The following PITPNC1 variants were observed in gnomAD, a reference collection of about 807,000 sequenced individuals.
PITPNC1 encodes cytoplasmic phosphatidylinositol transfer protein 1.
PITPNC1 carries 18 observed loss-of-function variants against 44.7 expected under a neutral mutation model. The ratio of observed to expected loss-of-function variants is 0.40; its 90% CI spans 0.28 to 0.60. PITPNC1 has a LOEUF of 0.60. PITPNC1 is among the 20% of genes least tolerant of loss of function. The probability of loss-of-function intolerance (pLI) is 0.39; values close to 1 mark genes in which losing one functional copy is unlikely to be tolerated. For synonymous variants in PITPNC1, 141 were observed against 149.6 expected, an observed-to-expected ratio of 0.94 and a Z score of 0.42; for missense variants, 290 against 418.4, an observed-to-expected ratio of 0.69 and a Z score of 2.68.
At chr17:67,574,282 C>T (rs777190505) in intron 4 of PITPNC1, among the ~76,000 whole-genome samples, 4 of 152,148 alleles carry the variant, frequency 2.6e-5, no homozygotes, top group Non-Finnish European at 5.9e-5. Context: ...TGTCTCAGTG[C>T]TTTTCATTAT....
chr17:67,535,534 C>T (rs1250700909), intron 2 of PITPNC1, among the ~76,000 whole-genome samples: 1 of 152,130 alleles, frequency 6.6e-6, no homozygotes, highest in Non-Finnish European at 1.5e-5. Context: ...CCAGCTCTCC[C>T]TGTCATGTCT....
At chr17:67,574,473 A>G (rs949993581) in intron 4 of PITPNC1, among the ~76,000 whole-genome samples, 2 of 152,176 alleles carry the variant, frequency 1.3e-5, no homozygotes. Context: ...GAGGGGAGAA[A>G]GGGTGAAGCC....
intron 1 of PITPNC1, among the ~76,000 whole-genome samples, chr17:67,435,213 T>C (rs2143906281): frequency 6.6e-6 from 1 of 152,162 alleles, no homozygotes; most frequent in African/African-American, 2.4e-5. Flanking sequence ...CTCAGTTACT[T>C]CATCTGTAAA....
intron 5 of PITPNC1, among the ~76,000 whole-genome samples, chr17:67,619,662 A>G (rs1348656968): frequency 2.6e-5 from 4 of 151,978 alleles, no homozygotes; most frequent in African/African-American, 9.7e-5. Context: ...CCCCACCTTC[A>G]TCTCTGATCA....
rs573676834 is a variant in PITPNC1 at position 67,625,508 on chromosome 17, C to G, written c.367-6635C>G. ...ATCATTGCTGTGGCTGAGTGTTTTC[C>G]TTTGGGGCCCGGTGAAGCCACTGCT... On this transcript the variant is annotated intron_variant, in intron 5 of 8. Transcript: ENST00000581322. 5.3e-5 allele frequency among the ~76,000 whole-genome samples: 8 copies of G among 152,270 alleles called. No individual in the cohort carries two copies. In the South Asian group the frequency reaches 1.7e-3, roughly 32 times the overall value.
At chr17:67,612,085 A>C (rs1299276584) in intron 5 of PITPNC1, 2 of 152,218 alleles carry the variant, frequency 1.3e-5, no homozygotes, top group Non-Finnish European at 2.9e-5. Flanking sequence ...ATCTTTACTA[A>C]AATGTGATCA....
At chr17:67,495,197 C>T (rs1044530808) in intron 1 of PITPNC1, among the ~76,000 whole-genome samples, 7 of 151,444 alleles carry the variant, frequency 4.6e-5, no homozygotes, top group African/African-American at 1.5e-4. Flanking sequence ...GCTGGGGCTA[C>T]AGGCGCTCGC....
intron 6 of PITPNC1, among the ~76,000 whole-genome samples, chr17:67,658,872 G>A (rs754711989): frequency 6.8e-4 from 104 of 152,030 alleles, no homozygotes; most frequent in Non-Finnish European, 1.2e-3. Context: ...ACTGCAGGGG[G>A]GAAGCCATGT....
Position 67,425,193 on chromosome 17 carries a change from G to GCGCGCGCGCGCACA in PITPNC1, c.48+46992_48+46993insGCGCGCGCGCACAC, listed in dbSNP as rs1160522771. On this transcript the variant is annotated intron_variant, in intron 1 of 8. Coordinates refer to ENST00000581322, the MANE Select transcript of PITPNC1 (RefSeq NM_012417.4). ...AAATAAACAGCCATGTTGTGCGCGC[G>GCGCGCGCGCGCACA]CACGCACACGCACACACACACACAC... Among the ~76,000 whole-genome samples the GCGCGCGCGCGCACA allele has an allele frequency of 9.8e-4, 51 of 52,114 alleles. 3 individuals are homozygous for GCGCGCGCGCGCACA. The highest frequency in any genetic ancestry group is 3.9e-3 in the East Asian group (7 of 1,806). The allele number at this position is 52,114 out of a possible 152,430, so 34.2% of individuals were successfully genotyped here. A position where few individuals can be genotyped will look rare whatever the true frequency, so the allele number is the denominator to read the frequency against.
rs1445303049 is a variant in PITPNC1 at position 67,614,627 on chromosome 17, G to GC, written c.367-17512dup. The stretch of plus-strand genomic sequence containing the variant: ...GCAGAGGCTGGAGTGAGCTGAGATT[G>GC]CCCCACTGCACTCCAGCCTGGGCAA... On this transcript the variant is annotated intron_variant, in intron 5 of 8. Coordinates refer to ENST00000581322, the MANE Select transcript of PITPNC1 (RefSeq NM_012417.4). Among the ~76,000 whole-genome samples, 4 of 149,610 alleles carry GC rather than the reference G, an allele frequency of 2.7e-5. No individual in the cohort carries two copies. In the East Asian group the frequency reaches 7.9e-4, roughly 29 times the overall value.
intron 5 of PITPNC1, among the ~76,000 whole-genome samples, chr17:67,631,012 C>T (rs2041958586): frequency 6.6e-6 from 1 of 150,478 alleles, no homozygotes; most frequent in Non-Finnish European, 1.5e-5. Context: ...GAGCCCAGGC[C>T]GACATTTATA....
In PITPNC1 at chr17:67,696,191, CACTT is replaced by C. The variant is rs1567788552; in HGVS notation, c.*3306_*3309del. ...CACAGTTGTGGGTATATTATGCAGA[CACTT>C]ACCACAATACCTGCAAAAGTAACTG... On this transcript the variant is annotated 3_prime_UTR_variant, in exon 9 of 9. Transcript: ENST00000581322. The C allele has an allele frequency of 6.6e-6, 1 of 152,164 alleles. No individual in the cohort carries two copies. Among genetic ancestry groups the C allele is most frequent in the African/African-American group, 2.4e-5 (1 of 41,444 alleles). The allele number at this position is 152,164 out of a possible 1,614,324, so 9.4% of individuals were successfully genotyped here. A position where few individuals can be genotyped will look rare whatever the true frequency, so the allele number is the denominator to read the frequency against.
At chr17:67,433,910 C>CATAATA (rs368751732) in intron 1 of PITPNC1, among the ~76,000 whole-genome samples, 42 of 151,188 alleles carry the variant, frequency 2.8e-4, no homozygotes, top group Middle Eastern at 3.4e-3. Flanking sequence ...TCCTCCTCCC[C>CATAATA]ATAATAATAA....
At chr17:67,566,235 G>T (rs912110036) in intron 4 of PITPNC1, among the ~76,000 whole-genome samples, 1 of 152,042 alleles carries the variant, frequency 6.6e-6, no homozygotes, top group Non-Finnish European at 1.5e-5. Context: ...ACAGGGGCTT[G>T]CTCTGTCACC....
At chr17:67,531,103 C>T (rs148790322) in intron 1 of PITPNC1, among the ~76,000 whole-genome samples, 2,127 of 151,110 alleles carry the variant, frequency 0.014, 44 homozygotes, top group African/African-American at 0.048. Context: ...ATTAGCTGGG[C>T]GTGCTGGTGC....
rs1384058492 is a variant in PITPNC1, at chr17:67,695,559, G to A, written c.*2671G>A. The A allele has an allele frequency of 3.3e-5, 5 of 150,108 alleles. No homozygotes were observed. Among genetic ancestry groups the A allele is most frequent in the Admixed American group, 6.7e-5 (1 of 14,996 alleles). 9.3% of individuals were successfully genotyped at this position (150,108 alleles called of 1,614,324 possible). ...TCCTTAACTCAGTGCCTCTGTCTGC[G>A]ATATGGAAACCTTCAACTTTGTTCA... On this transcript the variant is annotated 3_prime_UTR_variant, in exon 9 of 9. Transcript: ENST00000581322.
intron 1 of PITPNC1, among the ~76,000 whole-genome samples, chr17:67,402,494 C>T (rs1033381209): frequency 2.0e-5 from 3 of 151,986 alleles, no homozygotes; most frequent in African/African-American, 2.4e-5. Context: ...GTCTTCTCCA[C>T]CCCCCATCCC....
chr17:67,426,658 C>T (rs1296716919), intron 1 of PITPNC1, among the ~76,000 whole-genome samples: 2 of 152,090 alleles, frequency 1.3e-5, no homozygotes, highest in Non-Finnish European at 2.9e-5. Flanking sequence ...ATAGGTGCAG[C>T]AAACCACCAT....
intron 5 of PITPNC1, among the ~76,000 whole-genome samples, chr17:67,594,774 C>T (rs1409323771): frequency 6.6e-6 from 1 of 152,138 alleles, no homozygotes; most frequent in Admixed American, 6.5e-5. Context: ...CTTTGAATCC[C>T]AAGTCAACTC....
Sources: gnomAD v4.1 joint callset for allele counts (sites outside exome capture counted in the v4.1 genomes callset) on GRCh38, gnomAD v4.1.1 for gene constraint, MANE v1.5 for transcripts, NCBI Gene and HGNC (gene_info 2026-07-23, HGNC 2026-07-21) for gene names.